Variants in ZFYVE26 observed in about 807,000 individuals in gnomAD.
The protein encoded by ZFYVE26 is zinc finger FYVE-type containing 26, also known as zinc finger FYVE domain-containing protein 26.
ZFYVE26 carries 181 observed loss-of-function variants against 276.5 expected under a neutral mutation model. The ratio of observed to expected loss-of-function variants is 0.65; its 90% CI spans 0.58 to 0.74. The LOEUF (loss-of-function observed/expected upper bound fraction) is 0.74, where lower values mean the gene tolerates loss of function less well. Ranked by LOEUF, ZFYVE26 falls within the 30% of genes least tolerant of loss-of-function variation. The pLI, the probability that ZFYVE26 is intolerant of heterozygous loss-of-function variation, is 0.00. For synonymous variants in ZFYVE26, 1,129 were observed against 1,203.1 expected (o/e 0.94, Z 1.27); for missense variants, 2,821 against 3,097.9 (o/e 0.91, Z 2.12).
intron 6 of ZFYVE26, 80 bp from the exon 7 acceptor site, chr14:67,805,698 G>C (rs1229680556): frequency 2.3e-5 from 35 of 1,513,382 alleles, no homozygotes; most frequent in Non-Finnish European, 2.7e-6. Flanking sequence ...TTTAGAGAAA[G>C]AAGTATTTTA....
At chr14:67,764,984 T>G (rs977172188) in intron 32 of ZFYVE26, among the ~76,000 whole-genome samples, 1 of 152,244 alleles carries the variant, frequency 6.6e-6, no homozygotes, top group African/African-American at 2.4e-5. Context: ...TGAATATATT[T>G]TTACTTTTGC....
chr14:67,749,222 T>C (rs1437442117), intron 41 of ZFYVE26, among the ~76,000 whole-genome samples: 1 of 152,194 alleles, frequency 6.6e-6, no homozygotes, highest in African/African-American at 2.4e-5. Flanking sequence ...CCTCTATTTT[T>C]CTGTTTTCGG....
intron 31 of ZFYVE26, 81 bp downstream of exon 31, chr14:67,767,623 T>C: frequency 6.3e-7 from 1 of 1,592,966 alleles, no homozygotes; most frequent in Non-Finnish European, 8.6e-7. Flanking sequence ...GCCAGGTGTG[T>C]TCACCTACCT....
chr14:67,735,477 G>A (rs549467299), intron 13 of ZFYVE26: 4 of 578,978 alleles, frequency 6.9e-6, no homozygotes, highest in African/African-American at 3.7e-5. Context: ...ATTGGTGGCC[G>A]AGACACCGTT....
intron 28 of ZFYVE26, chr14:67,770,011 AAAG>A (rs2039166654): frequency 2.1e-6 from 1 of 478,854 alleles, no homozygotes; most frequent in Non-Finnish European, 3.8e-6. Context: ...AAAACAAGAA[AAAG>A]TAGTGGAGAA....
At chr14:67,756,919 A>C (rs1286048189) in intron 35 of ZFYVE26, among the ~76,000 whole-genome samples, 1 of 152,078 alleles carries the variant, frequency 6.6e-6, no homozygotes, top group Non-Finnish European at 1.5e-5. Context: ...CTACAACTAC[A>C]TTCCTGCTTG....
chr14:67,771,484 C>T (rs1429636601), intron 28 of ZFYVE26, among the ~76,000 whole-genome samples: 3 of 152,192 alleles, frequency 2.0e-5, no homozygotes, highest in African/African-American at 7.2e-5. Context: ...ATTACATCAC[C>T]ATCGTTTTCA....
intron 13 of ZFYVE26, among the ~76,000 whole-genome samples, chr14:67,733,187 C>T (rs973259451): frequency 3.3e-5 from 5 of 152,172 alleles, no homozygotes; most frequent in African/African-American, 1.2e-4. Context: ...CACCCCCTAT[C>T]CCTCTAGTCC....
chr14:67,760,186 T>C (rs149220976), intron 35 of ZFYVE26, among the ~76,000 whole-genome samples: 82 of 152,284 alleles, frequency 5.4e-4, no homozygotes, highest in African/African-American at 1.9e-3. Context: ...CATTCCCAAT[T>C]TGTGCCTGGG....
intron 4 of ZFYVE26, among the ~76,000 whole-genome samples, chr14:67,808,252 T>C (rs932333415): frequency 2.0e-5 from 3 of 152,166 alleles, no homozygotes; most frequent in African/African-American, 7.2e-5. Context: ...GTACTGGTGA[T>C]GTGAATCAAG....
chr14:67,790,492 C>T, intron 15 of ZFYVE26, 80 bp downstream of exon 15: 2 of 1,473,322 alleles, frequency 1.4e-6, no homozygotes, highest in South Asian at 2.3e-5. Context: ...CATGAGGAGC[C>T]TAGGATTTTA....
At chr14:67,742,136 T>C (rs2038421996), downstream of ZFYVE26, among the ~76,000 whole-genome samples, 1 of 152,190 alleles carries the variant, frequency 6.6e-6, no homozygotes, top group Non-Finnish European at 1.5e-5. Flanking sequence ...TTATGCTAAA[T>C]AAACCAGACA....
intron 40 of ZFYVE26, 28 bp from the exon 41 acceptor site, chr14:67,751,124 G>A: frequency 3.7e-6 from 6 of 1,614,072 alleles, no homozygotes; most frequent in Non-Finnish European, 5.1e-6. Context: ...AGCACTGTGA[G>A]AGGGAGAAGA....
intron 35 of ZFYVE26, 122 bp from the exon 36 acceptor site, chr14:67,756,267 A>G: frequency 1.0e-6 from 1 of 987,078 alleles, no homozygotes; most frequent in Non-Finnish European, 1.6e-6. Context: ...GTGCTTCTTA[A>G]TCTTTTATGT....
exon 14 of ZFYVE26, chr14:67,729,496 G>T: frequency 9.9e-7 from 1 of 1,008,394 alleles, no homozygotes; most frequent in Non-Finnish European, 1.5e-6. Context: ...TCCAGGTTTG[G>T]GTTGGGCCTG....
intron 13 of ZFYVE26, among the ~76,000 whole-genome samples, chr14:67,732,446 T>C (rs1238532372): frequency 5.7e-5 from 6 of 104,842 alleles, no homozygotes; most frequent in Admixed American, 5.2e-4. Context: ...AAAAAAAAAA[T>C]CCTCCTCAAA....
At chr14:67,773,378 C>T (rs909510601) in intron 27 of ZFYVE26, among the ~76,000 whole-genome samples, 4 of 151,926 alleles carry the variant, frequency 2.6e-5, no homozygotes, top group African/African-American at 9.7e-5. Flanking sequence ...AAGCAAGATC[C>T]TGTCTCTACA....
chr14:67,815,431 A>T (rs1241739774), intron 2 of ZFYVE26: 6 of 329,294 alleles, frequency 1.8e-5, no homozygotes, highest in African/African-American at 4.2e-5. Context: ...TTTCAATCTC[A>T]TAAGCAAGAA....
intron 22 of ZFYVE26, among the ~76,000 whole-genome samples, chr14:67,781,071 T>C (rs1273224595): frequency 4.6e-5 from 7 of 152,242 alleles, no homozygotes; most frequent in African/African-American, 1.7e-4. Context: ...AAAGCCTTTT[T>C]GGACTGTAAT....
Sources: gnomAD v4.1 joint callset for allele counts (sites outside exome capture counted in the v4.1 genomes callset) on GRCh38, gnomAD v4.1.1 for gene constraint, MANE v1.5 for transcripts, NCBI Gene and HGNC (gene_info 2026-07-23, HGNC 2026-07-21) for gene names.